NKAIN2: variants seen among roughly 807,000 people sequenced by gnomAD.
The protein encoded by NKAIN2 is sodium/potassium transporting ATPase interacting 2.
Under a neutral mutation model 32.6 loss-of-function variants are expected in NKAIN2, and 14 were observed. The ratio of observed to expected loss-of-function variants is 0.43; its 90% CI spans 0.28 to 0.67. The LOEUF (loss-of-function observed/expected upper bound fraction) is 0.67. NKAIN2 is among the 30% of genes least tolerant of loss of function. NKAIN2 has a pLI of 0.17. For missense variants in NKAIN2, 198 were observed against 258.3 expected (o/e 0.77, Z 1.60); for synonymous variants, 80 against 87.2 (o/e 0.92, Z 0.46).
chr6:124,389,182 G>C (rs1232245645), intron 3 of NKAIN2, among the ~76,000 whole-genome samples: 1 of 152,036 alleles, frequency 6.6e-6, no homozygotes. Context: ...CACTAATTCA[G>C]TGTTTGCTGT....
At chr6:124,801,415 G>C (rs112783248) in intron 5 of NKAIN2, among the ~76,000 whole-genome samples, 3 of 152,178 alleles carry the variant, frequency 2.0e-5, no homozygotes, top group Admixed American at 6.5e-5. Flanking sequence ...GTTAAGGAAA[G>C]GGACACTCAA....
At chr6:124,407,929 C>T (rs1406034441) in intron 3 of NKAIN2, among the ~76,000 whole-genome samples, 16 of 150,670 alleles carry the variant, frequency 1.1e-4, no homozygotes, top group African/African-American at 3.2e-4. Flanking sequence ...TTTTGATTTG[C>T]ATTTCTCTGA....
chr6:124,746,585 G>A (rs1016856993), intron 4 of NKAIN2, among the ~76,000 whole-genome samples: 1 of 151,740 alleles, frequency 6.6e-6, no homozygotes, highest in Non-Finnish European at 1.5e-5. Context: ...CAGTTTTAGA[G>A]GAAAATTTAT....
At chr6:124,631,600 G>A (rs1461100369) in intron 3 of NKAIN2, among the ~76,000 whole-genome samples, 4 of 152,038 alleles carry the variant, frequency 2.6e-5, no homozygotes, top group African/African-American at 7.2e-5. Context: ...TCAGCACACC[G>A]CTTTTTCTAC....
At chr6:124,158,408 G>T (rs1359532198) in intron 1 of NKAIN2, among the ~76,000 whole-genome samples, 1 of 152,160 alleles carries the variant, frequency 6.6e-6, no homozygotes, top group Non-Finnish European at 1.5e-5. Context: ...ATTTTGTGGG[G>T]ATGTAATTCA....
At chr6:124,168,024 C>A (rs528700596) in intron 1 of NKAIN2, among the ~76,000 whole-genome samples, 2 of 152,180 alleles carry the variant, frequency 1.3e-5, no homozygotes, top group East Asian at 3.8e-4. Flanking sequence ...AAAAACCAAG[C>A]ATTTATTCTG....
At chr6:124,080,719 C>T (rs987339445) in intron 1 of NKAIN2, among the ~76,000 whole-genome samples, 9 of 149,548 alleles carry the variant, frequency 6.0e-5, no homozygotes, top group East Asian at 2.0e-4. Context: ...CAAACACACA[C>T]GACTACTAGC....
At chr6:124,387,142 AAT>A (rs1230453310) in intron 3 of NKAIN2, among the ~76,000 whole-genome samples, 2 of 152,260 alleles carry the variant, frequency 1.3e-5, no homozygotes, top group South Asian at 2.1e-4. Context: ...ACTTGTATAA[AAT>A]ATATGAGTGT....
intron 1 of NKAIN2, among the ~76,000 whole-genome samples, chr6:124,258,728 A>T (rs963796523): frequency 6.6e-6 from 1 of 152,220 alleles, no homozygotes; most frequent in African/African-American, 2.4e-5. Context: ...GTATGTAGCA[A>T]GTATGAATCT....
chr6:124,030,350 G>T (rs760931945), intron 1 of NKAIN2, among the ~76,000 whole-genome samples: 13 of 152,232 alleles, frequency 8.5e-5, no homozygotes, highest in Middle Eastern at 3.4e-3. Flanking sequence ...TGCCAAAAAG[G>T]TTGGGGACCA....
intron 1 of NKAIN2, among the ~76,000 whole-genome samples, chr6:123,960,511 C>T (rs562055170): frequency 6.6e-6 from 1 of 152,208 alleles, no homozygotes; most frequent in Admixed American, 6.5e-5. Context: ...AGTGGCTCTG[C>T]CTCAGGTGTA....
intron 2 of NKAIN2, among the ~76,000 whole-genome samples, chr6:124,326,488 CCAATTCAAAAGGTTATCTCCT>C (rs1310382519): frequency 3.7e-4 from 56 of 152,034 alleles, no homozygotes; most frequent in African/African-American, 1.3e-3. Flanking sequence ...AGAGCTAAGC[CCAATTCAAAAGGTTATCTCCT>C]CAATTCTATT....
At chr6:123,818,895 A>T (rs1582586505) in intron 1 of NKAIN2, among the ~76,000 whole-genome samples, 1 of 152,190 alleles carries the variant, frequency 6.6e-6, no homozygotes, top group East Asian at 1.9e-4. Context: ...TTAGAACTAG[A>T]TGTAGATGAG....
chr6:124,265,282 A>G (rs74893761), intron 1 of NKAIN2, among the ~76,000 whole-genome samples: 1 of 152,276 alleles, frequency 6.6e-6, no homozygotes, highest in East Asian at 1.9e-4. Flanking sequence ...ATTTTTAACA[A>G]CGGAAACAAA....
chr6:124,554,468 C>G (rs1164030161), intron 3 of NKAIN2, among the ~76,000 whole-genome samples: 1 of 152,212 alleles, frequency 6.6e-6, no homozygotes, highest in Non-Finnish European at 1.5e-5. Flanking sequence ...TTCTAAGTAG[C>G]CTGGCTGCGT....
At chr6:124,396,426 A>AT (rs1211591918) in intron 3 of NKAIN2, among the ~76,000 whole-genome samples, 3 of 146,036 alleles carry the variant, frequency 2.1e-5, no homozygotes, top group Non-Finnish European at 1.5e-5. Flanking sequence ...CTGCTATTTG[A>AT]TTAAAAAAAA....
chr6:124,631,395 C>T (rs529563761), intron 3 of NKAIN2, among the ~76,000 whole-genome samples: 14 of 152,232 alleles, frequency 9.2e-5, no homozygotes, highest in African/African-American at 3.1e-4. Context: ...GAGAAGTTTA[C>T]ATTTTCCTGT....
chr6:123,841,767 A>G (rs1774882072), intron 1 of NKAIN2, among the ~76,000 whole-genome samples: 1 of 152,170 alleles, frequency 6.6e-6, no homozygotes, highest in African/African-American at 2.4e-5. Context: ...CATTTTCATC[A>G]GCAAAAGGAA....
chr6:124,234,188 A>G (rs1011899458), intron 1 of NKAIN2, among the ~76,000 whole-genome samples: 2 of 152,196 alleles, frequency 1.3e-5, no homozygotes, highest in Admixed American at 6.6e-5. Context: ...TCTCTAAAGC[A>G]TCATTGAATC....
Sources: gnomAD v4.1 joint callset for allele counts (sites outside exome capture counted in the v4.1 genomes callset) on GRCh38, gnomAD v4.1.1 for gene constraint, MANE v1.5 for transcripts, NCBI Gene and HGNC (gene_info 2026-07-23, HGNC 2026-07-21) for gene names.